Variants in TSHZ1 observed in about 807,000 individuals in gnomAD.
TSHZ1 encodes teashirt homolog 1.
A neutral mutation model predicts 67.1 loss-of-function variants in TSHZ1; 12 were observed. The ratio of observed to expected loss-of-function variants is 0.18; its 90% CI spans 0.11 to 0.29. The LOEUF (loss-of-function observed/expected upper bound fraction) is 0.29. Ranked by LOEUF, TSHZ1 falls within the 10% of genes least tolerant of loss-of-function variation. The pLI, the probability that TSHZ1 is intolerant of heterozygous loss-of-function variation, is 1.00. For synonymous variants in TSHZ1, 632 were observed against 622.4 expected, an observed-to-expected ratio of 1.02 and a Z score of -0.23; for missense variants, 1,305 against 1,413.9, an observed-to-expected ratio of 0.92 and a Z score of 1.23.
intron 1 of TSHZ1, among the ~76,000 whole-genome samples, chr18:75,280,193 T>C (rs28459129): frequency 0.038 from 5,761 of 152,358 alleles, 364 homozygotes; most frequent in African/African-American, 0.13. Flanking sequence ...CTACTCCTTA[T>C]TGTTGAAGAT....
chr18:75,234,276 G>A (rs8088640), intron 1 of TSHZ1, among the ~76,000 whole-genome samples: 11,748 of 152,084 alleles, frequency 0.077, 948 homozygotes, highest in African/African-American at 0.21. Flanking sequence ...TACTCCCTGC[G>A]GCCGCCCTGG....
chr18:75,253,948 T>G (rs2122571059), intron 1 of TSHZ1, among the ~76,000 whole-genome samples: 1 of 152,340 alleles, frequency 6.6e-6, no homozygotes, highest in African/African-American at 2.4e-5. Flanking sequence ...TCATATGGGT[T>G]TGTATTTGCC....
chr18:75,243,010 A>G (rs2023175924), intron 1 of TSHZ1, among the ~76,000 whole-genome samples: 1 of 152,166 alleles, frequency 6.6e-6, no homozygotes, highest in African/African-American at 2.4e-5. Flanking sequence ...GTGGTCATGC[A>G]GGAGAACAGC....
intron 1 of TSHZ1, among the ~76,000 whole-genome samples, chr18:75,222,094 G>A (rs932111771): frequency 1.3e-5 from 2 of 152,124 alleles, no homozygotes; most frequent in Admixed American, 6.5e-5. Context: ...TGAAAATAGC[G>A]CACTGGCGGT....
rs1184449769 is a variant in TSHZ1, at chr18:75,285,934, G to A, written c.527G>A (p.Ser176Asn). ...ACTGGCCCCACCACGAGCACGCCCA[G>A]CACCAGCTGCAGCTCCAGCACCAGC... ...STTGPTTSTP[S>N]TSCSSSTSHS... The change falls in exon 2 of 2, where the codon AGC becomes AAC. Residue 176 changes from serine to asparagine, a missense_variant. Physicochemically the swap from Ser to Asn is conservative, Grantham distance 46 (BLOSUM62 1). Coordinates refer to ENST00000580243, the MANE Select transcript of TSHZ1 (RefSeq NM_001308210.2). 1 of 1,285,628 alleles carries A rather than the reference G, an allele frequency of 7.8e-7. No individual in the cohort carries two copies. The highest frequency in any genetic ancestry group is 1.0e-6 in the Non-Finnish European group (1 of 988,736). The allele number at this position is 1,285,628 out of a possible 1,614,324, so 79.6% of individuals were successfully genotyped here.
chr18:75,288,231 C>T lies in TSHZ1; in HGVS notation c.2824C>T (p.His942Tyr), dbSNP rs2023811538. The change falls in exon 2 of 2, where the codon CAC becomes TAC. Residue 942 changes from histidine to tyrosine, a missense_variant. His to Tyr is a moderately conservative substitution (Grantham distance 83). This residue lies in a region of TSHZ1 where 909 missense variants were observed against 961.8 expected (regional missense o/e 0.95). Coordinates refer to ENST00000580243, the MANE Select transcript of TSHZ1 (RefSeq NM_001308210.2). The surrounding 1 kb of genome is among the most constrained non-coding windows in gnomAD (Gnocchi z 4.9). Reference sequence around the variant, plus strand: ...TGGGCTCTCCATGACCACCATCAGCCACTGGCTGGCCAATGTGAAGTACCA... The same window carrying T: ...TGGGCTCTCCATGACCACCATCAGCTACTGGCTGGCCAATGTGAAGTACCA... ...FTGLSMTTIS[H>Y]WLANVKYQLR... 2 of 1,614,106 alleles carry T rather than the reference C, an allele frequency of 1.2e-6. No individual in the cohort carries two copies. The highest frequency in any genetic ancestry group is 8.5e-7 in the Non-Finnish European group (1 of 1,180,060).
At chr18:75,284,443 A>G (rs903234184) in intron 1 of TSHZ1, 1 of 152,262 alleles carries the variant, frequency 6.6e-6, no homozygotes, top group Non-Finnish European at 1.5e-5. Context: ...CATTTTAACC[A>G]TTTTAAGTGC....
chr18:75,280,775 T>C (rs2023675158), intron 1 of TSHZ1: 2 of 985,444 alleles, frequency 2.0e-6, no homozygotes, highest in Non-Finnish European at 2.4e-6. Context: ...CCGTGTGAGC[T>C]GAGTGAAAGA....
At chr18:75,244,946 CTT>C (rs374613442) in intron 1 of TSHZ1, among the ~76,000 whole-genome samples, 122 of 152,286 alleles carry the variant, frequency 8.0e-4, no homozygotes, top group African/African-American at 2.8e-3. Flanking sequence ...TCTCTCCTCT[CTT>C]TCTCTCCACC....
At chr18:75,280,899 C>A in intron 1 of TSHZ1, 1 of 887,084 alleles carries the variant, frequency 1.1e-6, no homozygotes, top group Non-Finnish European at 1.4e-6. Context: ...TTGAGCCTCC[C>A]TGGAGGGATG....
chr18:75,280,863 G>A, intron 1 of TSHZ1: 4 of 977,264 alleles, frequency 4.1e-6, no homozygotes, highest in Non-Finnish European at 4.9e-6. Flanking sequence ...TGAGGGGATT[G>A]AGAGGGTGGC....
rs577758110 is a variant in TSHZ1, at chr18:75,270,539, A to G, written c.41-14909A>G. Reference sequence around the variant, plus strand: ...GTGTGCTGGGAAAATACCCTTCTCTATCCAGGTGGATCATTATCCAAGAAT... The same window carrying G: ...GTGTGCTGGGAAAATACCCTTCTCTGTCCAGGTGGATCATTATCCAAGAAT... On this transcript the variant is annotated intron_variant, in intron 1 of 1. Coordinates refer to ENST00000580243, the MANE Select transcript of TSHZ1 (RefSeq NM_001308210.2). 7.2e-5 allele frequency among the ~76,000 whole-genome samples: 11 copies of G among 152,332 alleles called. No homozygotes were observed. The East Asian group carries it at 7.7e-4, about 11-fold the overall frequency.
chr18:75,288,392 C>T lies in TSHZ1; in HGVS notation c.2985C>T (p.Phe995=), dbSNP rs2023814833. 1 of 1,614,216 alleles carries T rather than the reference C, an allele frequency of 6.2e-7. No homozygotes were observed. The part of the protein sequence containing the change: ...YISHLETHLG[F]SLKDLSKLPL... ...GTCATTTGGAGACACACTTGGGCTT[C>T]AGCCTGAAGGATCTCTCCAAGCTGC... The change falls in exon 2 of 2, where the codon TTC becomes TTT. Residue 995 remains phenylalanine (F), a synonymous_variant. Coordinates refer to ENST00000580243, the MANE Select transcript of TSHZ1 (RefSeq NM_001308210.2). This position sits in a 1 kb window ranked among gnomAD's most constrained non-coding sequence, Gnocchi z 4.9.
intron 1 of TSHZ1, among the ~76,000 whole-genome samples, chr18:75,265,665 T>C (rs749040459): frequency 6.6e-6 from 1 of 152,214 alleles, no homozygotes; most frequent in Non-Finnish European, 1.5e-5. Flanking sequence ...AAATTTAATA[T>C]TGGGGTAGAG....
At chr18:75,241,791 G>A (rs1187506614) in intron 1 of TSHZ1, among the ~76,000 whole-genome samples, 2 of 151,720 alleles carry the variant, frequency 1.3e-5, no homozygotes, top group African/African-American at 4.8e-5. Flanking sequence ...GGCTCCAGAG[G>A]AGAATCCTTC....
At chr18:75,216,123 A>C (rs2022764125) in intron 1 of TSHZ1, among the ~76,000 whole-genome samples, 1 of 152,196 alleles carries the variant, frequency 6.6e-6, no homozygotes, top group African/African-American at 2.4e-5. Context: ...TTATTCATAC[A>C]GGGGGATGAA....
chr18:75,250,391 C>T (rs555408012), intron 1 of TSHZ1, among the ~76,000 whole-genome samples: 4 of 152,232 alleles, frequency 2.6e-5, no homozygotes, highest in Non-Finnish European at 2.9e-5. Flanking sequence ...TTTGCCTCCC[C>T]CTGTGGGCTC....
At chr18:75,272,959 C>A (rs1390481672) in intron 1 of TSHZ1, among the ~76,000 whole-genome samples, 1 of 152,160 alleles carries the variant, frequency 6.6e-6, no homozygotes, top group Non-Finnish European at 1.5e-5. Flanking sequence ...ATTGCAAAAG[C>A]TGAGCACCTT....
chr18:75,239,264 T>C (rs1038774365), intron 1 of TSHZ1, among the ~76,000 whole-genome samples: 1 of 152,256 alleles, frequency 6.6e-6, no homozygotes, highest in African/African-American at 2.4e-5. Context: ...GTCCTTGTTA[T>C]GTGAGTAATT....
Sources: gnomAD v4.1 joint callset for allele counts (sites outside exome capture counted in the v4.1 genomes callset) on GRCh38, gnomAD v4.1.1 for gene constraint, gnomAD v4.1.1 regional missense constraint, Gnocchi (gnomAD v3.1) non-coding constraint, MANE v1.5 for transcripts, NCBI Gene and HGNC (gene_info 2026-07-23, HGNC 2026-07-21) for gene names.